Variants in SLC44A5 observed in about 807,000 individuals in gnomAD.
The protein encoded by SLC44A5 is choline transporter-like protein 5.
In SLC44A5, 57 loss-of-function variants were observed where a neutral mutation model predicts 101.8. That is an observed-to-expected ratio of 0.56 (90% confidence interval 0.45 to 0.70). The LOEUF is 0.70. Among genes scored for constraint, SLC44A5 ranks in the 30% least tolerant of loss-of-function variants. The pLI, the probability that SLC44A5 is intolerant of heterozygous loss-of-function variation, is 0.00. For missense variants in SLC44A5, 737 were observed against 853.1 expected, an observed-to-expected ratio of 0.86 and a Z score of 1.70; for synonymous variants, 281 against 290.9, an observed-to-expected ratio of 0.97 and a Z score of 0.35.
At chr1:75,622,549 C>A in the SLC44A5 span, among the ~76,000 whole-genome samples, 3 of 152,044 alleles carry the variant, frequency 2.0e-5, no homozygotes, top group Non-Finnish European at 2.9e-5. Flanking sequence ...GCCAAGAAAT[C>A]TTAAAGCTAG....
chr1:75,538,057 G>C (rs550152907), intron 2 of SLC44A5: 2 of 152,308 alleles, frequency 1.3e-5, no homozygotes, highest in Admixed American at 1.3e-4. Flanking sequence ...ATCTTTGCAA[G>C]AGGCTATGCT....
At chr1:75,602,286 A>ATT (rs1292906237) in intron 1 of SLC44A5, among the ~76,000 whole-genome samples, 1 of 152,160 alleles carries the variant, frequency 6.6e-6, no homozygotes, top group East Asian at 1.9e-4. Flanking sequence ...TTGGTCTTAG[A>ATT]ATTAGTCAAG....
chr1:75,257,279 A>G (rs1650092638), intron 6 of SLC44A5, among the ~76,000 whole-genome samples: 1 of 152,162 alleles, frequency 6.6e-6, no homozygotes, highest in African/African-American at 2.4e-5. Flanking sequence ...CTAAGTTGCT[A>G]TTGCTTCACA....
chr1:75,386,173 A>G (rs376974395), intron 3 of SLC44A5, among the ~76,000 whole-genome samples: 2 of 151,670 alleles, frequency 1.3e-5, no homozygotes, highest in East Asian at 1.9e-4. Context: ...CTCTCTCACC[A>G]CTCCTATTCA....
chr1:75,635,395 A>T, the SLC44A5 span, among the ~76,000 whole-genome samples: 859 of 152,122 alleles, frequency 5.6e-3, 11 homozygotes, highest in African/African-American at 0.02. Flanking sequence ...AATAGCAAAG[A>T]CTTGAAATCA....
At chr1:75,503,581 T>C (rs1669086920) in intron 2 of SLC44A5, among the ~76,000 whole-genome samples, 1 of 152,150 alleles carries the variant, frequency 6.6e-6, no homozygotes. Flanking sequence ...TCTTTATAAA[T>C]TACCTAGTCT....
chr1:75,587,186 G>C (rs568197205), intron 1 of SLC44A5, among the ~76,000 whole-genome samples: 6 of 152,158 alleles, frequency 3.9e-5, no homozygotes, highest in Non-Finnish European at 7.4e-5. Context: ...AATGTCAAAG[G>C]TGTCTAGGTT....
chr1:75,365,491 G>A (rs2101135521), intron 3 of SLC44A5, among the ~76,000 whole-genome samples: 1 of 152,178 alleles, frequency 6.6e-6, no homozygotes, highest in Non-Finnish European at 1.5e-5. Flanking sequence ...TTTCCTCAAG[G>A]ATCTAGAGAC....
At chr1:75,578,778 G>T (rs932845381) in intron 1 of SLC44A5, among the ~76,000 whole-genome samples, 8 of 152,014 alleles carry the variant, frequency 5.3e-5, no homozygotes, top group African/African-American at 1.5e-4. Context: ...TGATATAGTA[G>T]ATCTTAAATA....
At chr1:75,480,840 ATAGAT>A (rs1459341126) in intron 2 of SLC44A5, among the ~76,000 whole-genome samples, 1 of 152,226 alleles carries the variant, frequency 6.6e-6, no homozygotes, top group Non-Finnish European at 1.5e-5. Flanking sequence ...AAGGTAATAT[ATAGAT>A]TCAATGCCAT....
At chr1:75,512,726 A>G (rs1480495340) in intron 2 of SLC44A5, among the ~76,000 whole-genome samples, 3 of 152,222 alleles carry the variant, frequency 2.0e-5, no homozygotes, top group Non-Finnish European at 4.4e-5. Flanking sequence ...GTAATGGAGT[A>G]GGAGTAGAGG....
intron 1 of SLC44A5, among the ~76,000 whole-genome samples, chr1:75,606,835 T>C (rs1345946328): frequency 6.6e-6 from 1 of 152,006 alleles, no homozygotes; most frequent in Non-Finnish European, 1.5e-5. Flanking sequence ...TCTTCCTTGG[T>C]TCCAAGACCC....
intron 2 of SLC44A5, among the ~76,000 whole-genome samples, chr1:75,517,793 T>C (rs1351035796): frequency 6.6e-6 from 1 of 152,222 alleles, no homozygotes; most frequent in Non-Finnish European, 1.5e-5. Context: ...CTCTAAGAGT[T>C]TTCAACAGTA....
intron 6 of SLC44A5, among the ~76,000 whole-genome samples, chr1:75,255,924 GAGAAA>G (rs1052314009): frequency 1.3e-5 from 2 of 151,906 alleles, no homozygotes; most frequent in Non-Finnish European, 2.9e-5. Context: ...AATATAAAAA[GAGAAA>G]AGAAAAGATG....
chr1:75,463,068 C>T (rs1460551083), intron 2 of SLC44A5, among the ~76,000 whole-genome samples: 1 of 150,656 alleles, frequency 6.6e-6, no homozygotes, highest in Non-Finnish European at 1.5e-5. Context: ...GCAGATTTAA[C>T]CCAAAGAAGT....
At chr1:75,622,744 C>A in the SLC44A5 span, among the ~76,000 whole-genome samples, 1 of 152,090 alleles carries the variant, frequency 6.6e-6, no homozygotes, top group African/African-American at 2.4e-5. Flanking sequence ...TTCTTTAATA[C>A]TCCAGTTGGC....
At chr1:75,538,442 C>T (rs2101943296) in intron 2 of SLC44A5, among the ~76,000 whole-genome samples, 1 of 152,254 alleles carries the variant, frequency 6.6e-6, no homozygotes, top group South Asian at 2.1e-4. Context: ...TCTGGAAATA[C>T]TACTTACAAT....
the SLC44A5 span, among the ~76,000 whole-genome samples, chr1:75,716,146 A>C: frequency 2.6e-5 from 4 of 152,366 alleles, no homozygotes; most frequent in African/African-American, 9.6e-5. Context: ...TCTATCATTA[A>C]AAAGCCAAAA....
intron 1 of SLC44A5, among the ~76,000 whole-genome samples, chr1:75,607,741 C>T (rs1396648697): frequency 3.3e-5 from 5 of 151,954 alleles, no homozygotes; most frequent in Non-Finnish European, 7.4e-5. Flanking sequence ...CCTGTACATG[C>T]TATCTTGCAT....
Sources: allele counts gnomAD v4.1 joint callset (sites outside exome capture counted in the v4.1 genomes callset), GRCh38; gene constraint gnomAD v4.1.1; transcripts MANE v1.5; gene names NCBI Gene and HGNC (gene_info 2026-07-23, HGNC 2026-07-21).